PALD1: variants seen among roughly 807,000 people sequenced by gnomAD.
PALD1 encodes the protein paladin.
In PALD1, 57 loss-of-function variants were observed where a neutral mutation model predicts 96.0. The ratio of observed to expected loss-of-function variants is 0.59; its 90% CI spans 0.48 to 0.74. The LOEUF (loss-of-function observed/expected upper bound fraction) is 0.74. Ranked by LOEUF, PALD1 falls within the 30% of genes least tolerant of loss-of-function variation. PALD1 has a pLI of 0.00. For synonymous variants in PALD1, 464 were observed against 473.6 expected, an observed-to-expected ratio of 0.98 and a Z score of 0.26; for missense variants, 1,063 against 1,143.7, an observed-to-expected ratio of 0.93 and a Z score of 1.02.
At chr10:70,460,890 A>G in the PALD1 span, among the ~76,000 whole-genome samples, 3 of 152,068 alleles carry the variant, frequency 2.0e-5, no homozygotes, top group Admixed American at 6.5e-5. Flanking sequence ...CCCCGTCTCT[A>G]CTAAAAATAC....
intron 1 of PALD1, among the ~76,000 whole-genome samples, chr10:70,513,717 A>G (rs140346892): frequency 3.2e-4 from 49 of 152,298 alleles, no homozygotes; most frequent in Admixed American, 1.3e-4. Context: ...TATCCAGCAT[A>G]TACTCCATCC....
At chr10:70,520,982 G>A (rs1402454437) in intron 1 of PALD1, among the ~76,000 whole-genome samples, 1 of 152,098 alleles carries the variant, frequency 6.6e-6, no homozygotes, top group African/African-American at 2.4e-5. Context: ...GTGAGCCACC[G>A]CGCCCGGCCA....
chr10:70,545,994 T>C (rs901692335), intron 17 of PALD1, among the ~76,000 whole-genome samples: 1 of 152,026 alleles, frequency 6.6e-6, no homozygotes, highest in Non-Finnish European at 1.5e-5. Flanking sequence ...CCCAGCACTT[T>C]GGGAGACTTA....
chr10:70,555,254 T>C (rs1394712666), intron 18 of PALD1, among the ~76,000 whole-genome samples: 3 of 151,270 alleles, frequency 2.0e-5, no homozygotes, highest in Non-Finnish European at 4.4e-5. Flanking sequence ...GGATTACAGG[T>C]GTGAGCCACT....
At position 70,529,122 on chromosome 10, in the gene PALD1, G is replaced by A. The variant is rs192267083; in HGVS notation, c.186-107G>A. 172 of 626,318 alleles carry A rather than the reference G, an allele frequency of 2.7e-4. 1 individual carries two copies. The East Asian group carries it at 4.6e-3, about 17-fold the overall frequency. 38.8% of individuals were successfully genotyped at this position (626,318 alleles called of 1,614,324 possible). ...CAATGGGCAGTCTCTGCCACAAATC[G>A]TAGCCACAGGGGTTTTCCTGCGGTG... On this transcript the variant is annotated intron_variant, in intron 2 of 19. Transcript: ENST00000263563.
the PALD1 span, among the ~76,000 whole-genome samples, chr10:70,460,534 G>A: frequency 9.9e-5 from 15 of 152,058 alleles, no homozygotes; most frequent in Non-Finnish European, 1.6e-4. Flanking sequence ...CCTCATACCA[G>A]CCATGTGGAT....
chr10:70,505,260 T>G (rs1846362076), intron 1 of PALD1, among the ~76,000 whole-genome samples: 1 of 152,206 alleles, frequency 6.6e-6, no homozygotes, highest in African/African-American at 2.4e-5. Flanking sequence ...AAGTCAGTTG[T>G]TTTCTTTGAA....
chr10:70,547,253 G>T, intron 17 of PALD1, 53 bp from the exon 18 acceptor site: 13 of 1,576,814 alleles, frequency 8.2e-6, no homozygotes, highest in Non-Finnish European at 1.1e-5. Flanking sequence ...TGGTGCTTGG[G>T]CTGAGGGCTC....
intron 2 of PALD1, among the ~76,000 whole-genome samples, chr10:70,527,283 G>C (rs898561339): frequency 1.1e-4 from 17 of 152,298 alleles, no homozygotes; most frequent in African/African-American, 3.8e-4. Flanking sequence ...CAGAACAGTT[G>C]CTGACCAGCC....
intron 1 of PALD1, among the ~76,000 whole-genome samples, chr10:70,487,423 G>A (rs974291297): frequency 2.0e-5 from 3 of 151,750 alleles, no homozygotes; most frequent in African/African-American, 7.3e-5. Flanking sequence ...GTGAACCACC[G>A]CACCTGGCTG....
chr10:70,510,355 AC>A (rs1846487198), intron 1 of PALD1, among the ~76,000 whole-genome samples: 1 of 152,154 alleles, frequency 6.6e-6, no homozygotes, highest in South Asian at 2.1e-4. Context: ...AGGGCAGAGC[AC>A]TGGGTGAGGT....
rs56195849 is a variant in PALD1 at position 70,566,635 on chromosome 10, C to T, written c.2473C>T (p.Leu825=). The T allele has an allele frequency of 2.5e-6, 4 of 1,610,832 alleles. No homozygotes were observed. The African/African-American group carries it at 5.3e-5, about 21-fold the overall frequency. The change falls in exon 20 of 20, where the codon CTG becomes TTG. Residue 825 remains leucine (L), a synonymous_variant. Transcript: ENST00000263563. ...EILNELGFPE[L]ESGEDQPFSR... is the part of the protein sequence containing the mutation. ...CCTTAACGAGCTGGGCTTCCCCGAG[C>T]TGGAGAGCGGGGAGGACCAGCCCTT...
At position 70,541,466 on chromosome 10, in the gene PALD1, T is replaced by C. The variant is rs1430313860; in HGVS notation, c.2053T>C (p.Phe685Leu). Residue 685 changes from phenylalanine to leucine, a missense_variant, in exon 17 of 20, where the codon TTC (phenylalanine) becomes CTC (leucine). By Grantham distance (22) the Phe-to-Leu change is conservative. Coordinates refer to ENST00000263563, the MANE Select transcript of PALD1 (RefSeq NM_014431.3). ...AVLAFWHIQGFPEVGEEELVS... is the reference protein window; with the variant it reads ...AVLAFWHIQGLPEVGEEELVS... The stretch of plus-strand genomic sequence containing the variant: ...CTCAGCAGCTGTCTTCCCTCAGGGC[T>C]TCCCCGAGGTGGGTGAGGAGGAGCT... 6.2e-6 allele frequency: 10 copies of C among 1,613,468 alleles called. No homozygotes were observed. Among genetic ancestry groups the C allele is most frequent in the African/African-American group, 1.3e-5 (1 of 75,018 alleles).
intron 18 of PALD1, among the ~76,000 whole-genome samples, chr10:70,555,818 G>A (rs573216587): frequency 6.6e-5 from 10 of 152,236 alleles, no homozygotes; most frequent in African/African-American, 1.7e-4. Context: ...TTGCTAACAC[G>A]GTGAAACCGC....
chr10:70,459,145 G>T, the PALD1 span, among the ~76,000 whole-genome samples: 35 of 127,778 alleles, frequency 2.7e-4, no homozygotes, highest in Admixed American at 1.9e-3. Flanking sequence ...CACTGCCACC[G>T]TTTGTCCATC....
chr10:70,493,135 T>C (rs1161893503), intron 1 of PALD1, among the ~76,000 whole-genome samples: 4 of 152,188 alleles, frequency 2.6e-5, no homozygotes, highest in Non-Finnish European at 5.9e-5. Context: ...GCTTCCTTTT[T>C]TTGAATCAGG....
At chr10:70,564,331 C>G in intron 18 of PALD1, 33 bp from the exon 19 acceptor site, 1 of 1,596,532 alleles carries the variant, frequency 6.3e-7, no homozygotes, top group Non-Finnish European at 8.5e-7. Flanking sequence ...CACGGATCCC[C>G]CCACACTGAC....
rs1346105162 is a variant in PALD1, at chr10:70,497,966, G to A, written c.-30+18907G>A. 2.0e-5 allele frequency among the ~76,000 whole-genome samples: 3 copies of A among 152,220 alleles called. No homozygotes were observed. The South Asian group carries it at 6.2e-4, about 32-fold the overall frequency. On this transcript the variant is annotated intron_variant, in intron 1 of 19. Transcript: ENST00000263563. ...TTTACCATTTTGGGCGTTTAAAATTGTATAATTTAATGTCATTAAGAGCAT... is the reference window on the plus strand; with the variant it reads ...TTTACCATTTTGGGCGTTTAAAATTATATAATTTAATGTCATTAAGAGCAT...
At chr10:70,514,395 A>G (rs1846580070) in intron 1 of PALD1, among the ~76,000 whole-genome samples, 1 of 152,230 alleles carries the variant, frequency 6.6e-6, no homozygotes, top group South Asian at 2.1e-4. Flanking sequence ...TTAGAAAAAT[A>G]TAAAAACACT....
Sources: gnomAD v4.1 joint callset for allele counts (sites outside exome capture counted in the v4.1 genomes callset) on GRCh38, gnomAD v4.1.1 for gene constraint, MANE v1.5 for transcripts, NCBI Gene and HGNC (gene_info 2026-07-23, HGNC 2026-07-21) for gene names.